GAB4: variants seen among roughly 807,000 people sequenced by gnomAD.
GAB4 encodes the protein GRB2 associated binding protein family member 4.
In GAB4, 26 loss-of-function variants were observed where a neutral mutation model predicts 51.3. The ratio of observed to expected loss-of-function variants is 0.51; its 90% CI spans 0.37 to 0.70. GAB4 has a LOEUF of 0.70. Ranked by LOEUF, GAB4 falls within the 30% of genes least tolerant of loss-of-function variation. GAB4 has a pLI of 0.00. For synonymous variants in GAB4, 329 were observed against 291.2 expected, an observed-to-expected ratio of 1.13 and a Z score of -1.32; for missense variants, 759 against 734.6, an observed-to-expected ratio of 1.03 and a Z score of -0.38.
chr22:17,004,539 C>T (rs571357848), intron 1 of GAB4, among the ~76,000 whole-genome samples: 10 of 152,240 alleles, frequency 6.6e-5, no homozygotes, highest in South Asian at 2.1e-4. Flanking sequence ...AATCAATAAA[C>T]GTAATCCATC....
At chr22:16,971,567 C>T (rs1254300847) in intron 3 of GAB4, among the ~76,000 whole-genome samples, 1 of 152,166 alleles carries the variant, frequency 6.6e-6, no homozygotes, top group East Asian at 1.9e-4. Context: ...AAGACTGGAT[C>T]CTTATAGCAG....
chr22:16,964,997 A>G (rs2060660289), intron 7 of GAB4, 135 bp from the exon 8 acceptor site: 1 of 753,176 alleles, frequency 1.3e-6, no homozygotes, highest in Non-Finnish European at 2.2e-6. Context: ...TGATAGGGAC[A>G]GGGATCATTA....
At chr22:16,993,589 C>T (rs1327421066) in intron 1 of GAB4, among the ~76,000 whole-genome samples, 1 of 152,166 alleles carries the variant, frequency 6.6e-6, no homozygotes, top group African/African-American at 2.4e-5. Context: ...AACCACAGCC[C>T]CTGGCTAAGC....
chr22:16,971,655 G>T (rs5994114), intron 3 of GAB4, among the ~76,000 whole-genome samples: 14 of 152,296 alleles, frequency 9.2e-5, no homozygotes, highest in African/African-American at 3.4e-4. Flanking sequence ...CCCAGAATGA[G>T]GCATGTCTCA....
intron 9 of GAB4, among the ~76,000 whole-genome samples, chr22:16,963,518 G>A (rs1033731472): frequency 3.3e-5 from 5 of 152,082 alleles, no homozygotes; most frequent in Non-Finnish European, 1.5e-5. Flanking sequence ...ATGGGGAGTC[G>A]GGGCAGGCTG....
At chr22:17,002,543 A>G (rs2061006107) in intron 1 of GAB4, among the ~76,000 whole-genome samples, 1 of 152,094 alleles carries the variant, frequency 6.6e-6, no homozygotes, top group South Asian at 2.1e-4. Flanking sequence ...CAGGCAAAAT[A>G]ACCAGCTAGC....
At position 16,966,303 on chromosome 22, in the gene GAB4, A is replaced by C; in HGVS notation, c.1085T>G (p.Met362Arg). ...CGGCAGGGTAGGGGAGCCTGGGTTC[A>C]TGGGCACACAGCTGCCCTCAGAAGC... is the stretch of plus-strand genomic sequence containing the variant. ...SIASEGSCVP[M>R]NPGSPTLPAV... is the part of the protein sequence containing the mutation. Residue 362 changes from methionine to arginine, a missense_variant, in exon 6 of 10, where the codon ATG becomes AGG. Transcript: ENST00000400588. The C allele has an allele frequency of 6.2e-7, 1 of 1,613,734 alleles. No homozygotes were observed. Among genetic ancestry groups the C allele is most frequent in the Non-Finnish European group, 8.5e-7 (1 of 1,179,926 alleles).
intron 3 of GAB4, among the ~76,000 whole-genome samples, chr22:16,982,189 T>C (rs1329851396): frequency 2.6e-5 from 4 of 151,914 alleles, no homozygotes; most frequent in Admixed American, 6.6e-5. Context: ...GCCAGAGCAA[T>C]GAGAAGGGAG....
At chr22:16,978,069 AG>A (rs1248941407) in intron 3 of GAB4, among the ~76,000 whole-genome samples, 1 of 56,662 alleles carries the variant, frequency 1.8e-5, no homozygotes, top group East Asian at 6.5e-4. Flanking sequence ...AAGGCCCATA[AG>A]AGAAAGCAGG....
chr22:17,007,124 C>T (rs1601297362), intron 1 of GAB4, among the ~76,000 whole-genome samples: 1 of 152,134 alleles, frequency 6.6e-6, no homozygotes, highest in African/African-American at 2.4e-5. Flanking sequence ...GGAATAGATT[C>T]TTGAAGGGCT....
At chr22:16,991,799 G>T in intron 2 of GAB4, 74 bp downstream of exon 2, 2 of 1,284,144 alleles carry the variant, frequency 1.6e-6, no homozygotes, top group Non-Finnish European at 1.1e-6. Flanking sequence ...GGCAGCTAGA[G>T]CTGCCCTCCT....
intron 4 of GAB4, chr22:16,969,557 A>AG: frequency 2.0e-6 from 1 of 500,740 alleles, no homozygotes; most frequent in East Asian, 3.0e-5. Flanking sequence ...CTAACCACTG[A>AG]GAACCCGGTG....
rs2060713332 is a variant in GAB4 at position 16,969,761 on chromosome 22, G to C, written c.937+182C>G. 8.0e-6 allele frequency: 6 copies of C among 749,732 alleles called. No homozygotes were observed. The South Asian group carries it at 9.9e-5, about 12-fold the overall frequency. The allele number at this position is 749,732 out of a possible 1,614,324, so 46.4% of individuals were successfully genotyped here. The stretch of plus-strand genomic sequence containing the variant: ...CTTCTGCCTGACTTGCCTTGGGCAG[G>C]GGAAGGGAGGCTATGGGCCCAGGAG... On this transcript the variant is annotated intron_variant, in intron 4 of 9. Transcript: ENST00000400588.
chr22:16,978,918 C>G (rs1321393442), intron 3 of GAB4, among the ~76,000 whole-genome samples: 1 of 152,112 alleles, frequency 6.6e-6, no homozygotes, highest in Non-Finnish European at 1.5e-5. Flanking sequence ...TAAACAGAAC[C>G]AATGACAAAA....
intron 6 of GAB4, 115 bp from the exon 7 acceptor site, chr22:16,965,383 A>G (rs2060664346): frequency 2.6e-6 from 2 of 767,510 alleles, no homozygotes; most frequent in African/African-American, 1.7e-5. Context: ...CAGTCCACCC[A>G]GCTGTGTGCG....
intron 3 of GAB4, 36 bp downstream of exon 3, chr22:16,987,924 G>T: frequency 6.7e-7 from 1 of 1,500,512 alleles, no homozygotes; most frequent in East Asian, 2.3e-5. Flanking sequence ...GACCTTGTGG[G>T]GGTCACTGCC....
intron 3 of GAB4, among the ~76,000 whole-genome samples, chr22:16,970,966 C>T (rs965811956): frequency 1.3e-5 from 2 of 151,592 alleles, no homozygotes; most frequent in Non-Finnish European, 2.9e-5. Flanking sequence ...GAAGCCCAGA[C>T]AGGCAGATGG....
chr22:16,965,235 C>T lies in GAB4; in HGVS notation c.1322G>A (p.Arg441Lys), dbSNP rs775105403. 2.5e-6 allele frequency: 4 copies of T among 1,614,062 alleles called. No individual in the cohort carries two copies. In the South Asian group the frequency reaches 4.4e-5, roughly 18 times the overall value. Residue 441 changes from arginine to lysine, a missense_variant, in exon 7 of 10, where the codon AGG becomes AAG. Physicochemically the swap from Arg to Lys is conservative, Grantham distance 26. Around this residue, in one of 3 missense-constraint regions of GAB4, gnomAD observed 588 missense variants for 510.2 expected, o/e 1.15. Coordinates refer to ENST00000400588, the MANE Select transcript of GAB4 (RefSeq NM_001037814.1). The part of the protein sequence containing the change: ...NPTPPNLRNN[R>K]VINELSFKPP... ...CTTGAAGGAGAGCTCATTGATGACC[C>T]TGTTGTTTCTCAGGTTGGGCGGTGT...
Position 16,965,193 on chromosome 22 carries a change from GGC to G in GAB4, c.1362_1363del (p.Glu454AspfsTer10). ...AGACACTCACCTGGTCCCAGACCAG[GGC>G]TCTGTGACAGGTGGCTTGAAGGAGA... On this transcript the variant is annotated frameshift_variant, in exon 7 of 10. Coordinates refer to ENST00000400588, the MANE Select transcript of GAB4 (RefSeq NM_001037814.1). LOFTEE classifies it high-confidence loss of function. 6.2e-7 allele frequency: 1 copy of G among 1,613,318 alleles called. No individual in the cohort carries two copies. Among genetic ancestry groups the G allele is most frequent in the South Asian group, 1.1e-5 (1 of 90,994 alleles).
Sources: allele counts gnomAD v4.1 joint callset (sites outside exome capture counted in the v4.1 genomes callset), GRCh38; gene constraint gnomAD v4.1.1; regional missense constraint gnomAD v4.1.1; transcripts MANE v1.5; gene names NCBI Gene and HGNC (gene_info 2026-07-23, HGNC 2026-07-21).